The following LRRC37A3 variants were observed in gnomAD, a reference collection of about 807,000 sequenced individuals.
LRRC37A3 encodes the protein leucine-rich repeat-containing protein 37A3.
In LRRC37A3, 25 loss-of-function variants were observed where a neutral mutation model predicts 106.2. That is an observed-to-expected ratio of 0.24 (90% CI 0.17 to 0.33). LRRC37A3 has a LOEUF of 0.33. Ranked by LOEUF, LRRC37A3 falls within the 10% of genes least tolerant of loss-of-function variation. The pLI is 1.00. For synonymous variants in LRRC37A3, 305 were observed against 635.8 expected (o/e 0.48, Z 7.83); for missense variants, 712 against 1,644.9 (o/e 0.43, Z 9.81).
intron 2 of LRRC37A3, chr17:64,899,031 T>A (rs1354958892): frequency 7.1e-6 from 1 of 140,002 alleles, no homozygotes; most frequent in African/African-American, 3.0e-5. Context: ...CTGTACTGTA[T>A]GTTACTGTAC....
intron 8 of LRRC37A3, among the ~76,000 whole-genome samples, chr17:64,870,677 C>G (rs1487389696): frequency 2.6e-5 from 4 of 152,114 alleles, no homozygotes; most frequent in Admixed American, 1.3e-4. Context: ...TATTAAGCAG[C>G]AAAGCTGTAA....
intron 8 of LRRC37A3, among the ~76,000 whole-genome samples, chr17:64,884,638 G>A (rs1187601737): frequency 6.9e-6 from 1 of 144,226 alleles, no homozygotes; most frequent in Non-Finnish European, 1.5e-5. Flanking sequence ...GGAATTACAG[G>A]CATGAGCCAC....
At chr17:64,873,498 A>C (rs1973390821) in intron 8 of LRRC37A3, among the ~76,000 whole-genome samples, 1 of 151,662 alleles carries the variant, frequency 6.6e-6, no homozygotes, top group South Asian at 2.1e-4. Flanking sequence ...AATATGTTCA[A>C]AGAGATAAGA....
intron 2 of LRRC37A3, among the ~76,000 whole-genome samples, chr17:64,917,017 G>A (rs1375448868): frequency 2.6e-5 from 4 of 150,944 alleles, no homozygotes; most frequent in East Asian, 2.0e-4. Context: ...AGGCCGAGGC[G>A]GGCAGATCAC....
At chr17:64,857,506 T>C (rs1972716701) in intron 13 of LRRC37A3, among the ~76,000 whole-genome samples, 1 of 152,210 alleles carries the variant, frequency 6.6e-6, no homozygotes, top group South Asian at 2.1e-4. Context: ...GGTGGCTGTT[T>C]TTAAGACAGG....
chr17:64,875,139 T>A (rs1369995583), intron 8 of LRRC37A3, among the ~76,000 whole-genome samples: 1 of 152,046 alleles, frequency 6.6e-6, no homozygotes, highest in Non-Finnish European at 1.5e-5. Flanking sequence ...AAACTGGGCA[T>A]GGTGGTGCAT....
chr17:64,863,581 A>G (rs1972951177), intron 10 of LRRC37A3: 1 of 153,492 alleles, frequency 6.5e-6, no homozygotes, highest in Non-Finnish European at 1.5e-5. Flanking sequence ...AGTGATATTG[A>G]AAAAGAAAGA....
chr17:64,890,734 A>C (rs1214073310), intron 5 of LRRC37A3, among the ~76,000 whole-genome samples: 1 of 146,732 alleles, frequency 6.8e-6, no homozygotes. Context: ...CGGGAGGCTG[A>C]GGCAGGAGAA....
At position 64,863,026 on chromosome 17, in the gene LRRC37A3, T is replaced by A. The variant is rs376350995; in HGVS notation, c.3054-8A>T. 1.3e-4 allele frequency: 211 copies of A among 1,597,688 alleles called. No homozygotes were observed. In the African/African-American group the frequency reaches 2.6e-3, roughly 20 times the overall value. On this transcript the variant is annotated splice_polypyrimidine_tract_variant and splice_region_variant and intron_variant, in intron 10 of 14. Transcript: ENST00000584306. ...ATATGGCTAGGTACGATCCTATAGA[T>A]GAAAACAGAGAGCAATAAATTAGCG...
At chr17:64,918,094 GTAAT>G (rs1283181045) in intron 2 of LRRC37A3, among the ~76,000 whole-genome samples, 4 of 148,282 alleles carry the variant, frequency 2.7e-5, no homozygotes, top group Non-Finnish European at 5.9e-5. Flanking sequence ...ATACACTACT[GTAAT>G]TAATATGTAG....
rs1283815497 is a variant in LRRC37A3 at position 64,896,617 on chromosome 17, C to A, written c.641G>T (p.Gly214Val). Reference protein sequence around the residue: ...DEPPGPSEQVGPSQFHLEPET... With the variant: ...DEPPGPSEQVVPSQFHLEPET... ...GGGCTCTAGATGGAATTGAGAAGGT[C>A]CAACTTGCTCAGAGGGCCCTGGAGG... is the stretch of plus-strand genomic sequence containing the variant. Residue 214 changes from glycine to valine, a missense_variant, in exon 4 of 15, where the codon GGA becomes GTA. By Grantham distance (109) the Gly-to-Val change is moderately radical. Transcript: ENST00000584306. 1 of 1,500,436 alleles carries A rather than the reference C, an allele frequency of 6.7e-7. No individual in the cohort carries two copies. Among genetic ancestry groups the A allele is most frequent in the Non-Finnish European group, 9.0e-7 (1 of 1,106,336 alleles). 92.9% of individuals were successfully genotyped at this position (1,500,436 alleles called of 1,614,324 possible).
intron 2 of LRRC37A3, among the ~76,000 whole-genome samples, chr17:64,917,704 C>G (rs1424313584): frequency 6.6e-6 from 1 of 152,200 alleles, no homozygotes; most frequent in Admixed American, 6.5e-5. Context: ...CGATGGCTCA[C>G]ACCTGTAATC....
intron 8 of LRRC37A3, chr17:64,880,945 T>A: frequency 1.7e-6 from 1 of 593,016 alleles, no homozygotes; most frequent in Non-Finnish European, 3.0e-6. Context: ...TGAAAATAAA[T>A]TTAAATGACA....
Position 64,858,787 on chromosome 17 carries a change from G to A in LRRC37A3, c.4801C>T (p.Leu1601Phe). 1.9e-6 allele frequency: 3 copies of A among 1,608,464 alleles called. No homozygotes were observed. The highest frequency in any genetic ancestry group is 1.1e-5 in the South Asian group (1 of 90,944). The change falls in exon 13 of 15, where the codon CTC becomes TTC. Residue 1601 changes from leucine to phenylalanine, a missense_variant. By Grantham distance (22) the Leu-to-Phe change is conservative. Transcript: ENST00000584306. Reference sequence around the variant, plus strand: ...TTAATTATTGTCCTTACCTCAATGAGGCAGAGAAGTATAATCAAAATCGTT... The same window carrying A: ...TTAATTATTGTCCTTACCTCAATGAAGCAGAGAAGTATAATCAAAATCGTT... Reference protein sequence around the residue: ...ILTILIILLCLIEICCHRRSL... With the variant: ...ILTILIILLCFIEICCHRRSL...
chr17:64,859,595 G>T lies in LRRC37A3; in HGVS notation c.4551C>A (p.Leu1517=), dbSNP rs1247647101. ...GAHVQVTCAK[L]VSRTGHLMKL... is the part of the protein sequence containing the mutation. ...TCATCAGGTGGCCTGTCCTGGAGAC[G>T]AGCTTGGCACAGGTCACTTGCACAT... Residue 1517 remains leucine (L), a synonymous_variant, in exon 12 of 15, where the codon CTC becomes CTA. Coordinates refer to ENST00000584306, the MANE Select transcript of LRRC37A3 (RefSeq NM_199340.5). 1.9e-6 allele frequency: 3 copies of T among 1,612,876 alleles called. No homozygotes were observed. In the South Asian group the frequency reaches 3.3e-5, roughly 18 times the overall value.
At chr17:64,863,971 A>ATTTTTTTT (rs1218172930) in intron 10 of LRRC37A3, among the ~76,000 whole-genome samples, 3 of 129,036 alleles carry the variant, frequency 2.3e-5, no homozygotes, top group Admixed American at 1.6e-4. Context: ...TGCCCAGCTA[A>ATTTTTTTT]TTTTTTTTTT....
chr17:64,881,263 G>A lies in LRRC37A3; in HGVS notation c.2906+4823C>T, dbSNP rs563892589. 4 of 692,934 alleles carry A rather than the reference G, an allele frequency of 5.8e-6. No individual in the cohort carries two copies. In the Middle Eastern group the frequency reaches 1.1e-3, roughly 192 times the overall value. 42.9% of individuals were successfully genotyped at this position (692,934 alleles called of 1,614,324 possible). A position where few individuals can be genotyped will look rare whatever the true frequency, so the allele number is the denominator to read the frequency against. ...TTTTCTTTTCTTTTCTTTTTTTTGAGATGAAGTCTCACTCTGTTGCCCAGG... is the reference window on the plus strand; with the variant it reads ...TTTTCTTTTCTTTTCTTTTTTTTGAAATGAAGTCTCACTCTGTTGCCCAGG... On this transcript the variant is annotated intron_variant, in intron 8 of 14. Coordinates refer to ENST00000584306, the MANE Select transcript of LRRC37A3 (RefSeq NM_199340.5).
chr17:64,854,292 G>T lies in LRRC37A3; in HGVS notation c.*307C>A, dbSNP rs547502497. ...AGTGATCCTATGATAGGGGCCAGGA[G>T]ATGGGAGGTCCCCTGTGGGCAGGAG... is the stretch of plus-strand genomic sequence containing the variant. On this transcript the variant is annotated 3_prime_UTR_variant, in exon 15 of 15. Transcript: ENST00000584306. 1.3e-3 allele frequency: 675 copies of T among 515,734 alleles called. 1 individual carries two copies. Among genetic ancestry groups the T allele is most frequent in the Non-Finnish European group, 2.1e-3 (595 of 286,922 alleles). The allele number at this position is 515,734 out of a possible 1,614,324, so 31.9% of individuals were successfully genotyped here. A position where few individuals can be genotyped will look rare whatever the true frequency, so the allele number is the denominator to read the frequency against.
chr17:64,855,695 G>A (rs899205558), intron 14 of LRRC37A3, 145 bp downstream of exon 14: 66 of 1,259,978 alleles, frequency 5.2e-5, no homozygotes, highest in South Asian at 3.0e-4. Flanking sequence ...CCAGCTACTC[G>A]GGAGGCTGAG....
Sources: gnomAD v4.1 joint callset for allele counts (sites outside exome capture counted in the v4.1 genomes callset) on GRCh38, gnomAD v4.1.1 for gene constraint, MANE v1.5 for transcripts, NCBI Gene and HGNC (gene_info 2026-07-23, HGNC 2026-07-21) for gene names.